C4BPA: variants seen among roughly 807,000 people sequenced by gnomAD.
C4BPA encodes the protein C4b-binding protein alpha chain.
A neutral mutation model predicts 63.7 loss-of-function variants in C4BPA; 31 were observed. The ratio of observed to expected loss-of-function variants is 0.49; its 90% CI spans 0.37 to 0.66. The LOEUF (loss-of-function observed/expected upper bound fraction) is 0.66. Among genes scored for constraint, C4BPA ranks in the 30% least tolerant of loss-of-function variants. The pLI is 0.00. For missense variants in C4BPA, 572 were observed against 723.3 expected, an observed-to-expected ratio of 0.79 and a Z score of 2.40; for synonymous variants, 259 against 254.7, an observed-to-expected ratio of 1.02 and a Z score of -0.16.
intron 8 of C4BPA, among the ~76,000 whole-genome samples, chr1:207,132,619 A>C (rs552367639): frequency 6.6e-6 from 1 of 152,260 alleles, no homozygotes; most frequent in African/African-American, 2.4e-5. Flanking sequence ...GGGGAAATAG[A>C]ATAAAAGATT....
In C4BPA at chr1:207,131,643, G is replaced by C; in HGVS notation, c.987G>C (p.Arg329Ser). ...TGTATGTTGTTGGGACTGTGTTAAG[G>C]TACCGCTGTCATCCTGGCTACAAAC... is the stretch of plus-strand genomic sequence containing the variant. Reference protein sequence around the residue: ...EDVYVVGTVLRYRCHPGYKPT... With the variant: ...EDVYVVGTVLSYRCHPGYKPT... Residue 329 changes from arginine to serine, a missense_variant, in exon 8 of 12, where the codon AGG becomes AGC. Around this residue, in one of 2 missense-constraint regions of C4BPA, gnomAD observed 465 missense variants for 629.4 expected, o/e 0.74. Coordinates refer to ENST00000367070, the MANE Select transcript of C4BPA (RefSeq NM_000715.4). 6.2e-7 allele frequency: 1 copy of C among 1,613,740 alleles called. No homozygotes were observed. The highest frequency in any genetic ancestry group is 8.5e-7 in the Non-Finnish European group (1 of 1,179,786).
intron 9 of C4BPA, 93 bp from the exon 10 acceptor site, chr1:207,141,013 T>A: frequency 1.0e-6 from 1 of 961,954 alleles, no homozygotes; most frequent in Non-Finnish European, 1.5e-6. Flanking sequence ...AAGGACAGAA[T>A]GAAGCCTCCT....
intron 8 of C4BPA, among the ~76,000 whole-genome samples, chr1:207,134,046 C>T (rs1685225198): frequency 6.6e-6 from 1 of 152,064 alleles, no homozygotes; most frequent in African/African-American, 2.4e-5. Flanking sequence ...CAAGATCGCA[C>T]TCTGTTGCCC....
At position 207,144,642 on chromosome 1, in the gene C4BPA, G is replaced by C; in HGVS notation, c.1719G>C (p.Lys573Asn). ...TGAAAATGGCCCTGGAGGTATATAA[G>C]CTGTCTCTGGAAATTGAACAACTGG... ...EDVKMALEVY[K>N]LSLEIEQLEL... The change falls in exon 12 of 12, where the codon AAG (lysine) becomes AAC (asparagine). Residue 573 changes from lysine (K) to asparagine (N), a missense_variant. Physicochemically the swap from Lys to Asn is moderately conservative, Grantham distance 94. This residue lies in a region of C4BPA where 465 missense variants were observed against 629.4 expected (regional missense o/e 0.74). Transcript: ENST00000367070. 6.2e-7 allele frequency: 1 copy of C among 1,613,594 alleles called. No individual in the cohort carries two copies. The highest frequency in any genetic ancestry group is 8.5e-7 in the Non-Finnish European group (1 of 1,179,754).
chr1:207,137,434 G>T (rs1468018308), intron 9 of C4BPA, among the ~76,000 whole-genome samples: 1 of 152,180 alleles, frequency 6.6e-6, no homozygotes, highest in African/African-American at 2.4e-5. Flanking sequence ...ATTTATACTG[G>T]TTTGATCTGG....
At chr1:207,129,460 A>G (rs1189706338) in intron 7 of C4BPA, among the ~76,000 whole-genome samples, 1 of 151,336 alleles carries the variant, frequency 6.6e-6, no homozygotes, top group Non-Finnish European at 1.5e-5. Context: ...ACATTAATCT[A>G]CATATCCAAG....
At chr1:207,139,647 G>T (rs2102363841) in intron 9 of C4BPA, among the ~76,000 whole-genome samples, 1 of 152,286 alleles carries the variant, frequency 6.6e-6, no homozygotes, top group African/African-American at 2.4e-5. Flanking sequence ...TAATAGGAGA[G>T]CTATAATGGT....
At chr1:207,116,516 A>ATGTGTGTGTGTG (rs57449727) in intron 4 of C4BPA, among the ~76,000 whole-genome samples, 2 of 79,922 alleles carry the variant, frequency 2.5e-5, no homozygotes, top group African/African-American at 3.5e-5. Flanking sequence ...GTGTGTGTAT[A>ATGTGTGTGTGTG]TGTGTGTGTG....
chr1:207,127,012 T>C (rs1470939598), intron 7 of C4BPA, 117 bp downstream of exon 7: 4 of 694,650 alleles, frequency 5.8e-6, no homozygotes, highest in Non-Finnish European at 9.6e-6. Flanking sequence ...AATTTACATC[T>C]AGATCAATAA....
chr1:207,135,612 A>G (rs1239758805), intron 9 of C4BPA, among the ~76,000 whole-genome samples: 1 of 152,186 alleles, frequency 6.6e-6, no homozygotes, highest in Non-Finnish European at 1.5e-5. Flanking sequence ...CTGGTAGCCA[A>G]TGGGGCCACT....
intron 9 of C4BPA, among the ~76,000 whole-genome samples, chr1:207,135,011 C>T (rs1558096080): frequency 6.6e-6 from 1 of 152,128 alleles, no homozygotes; most frequent in Non-Finnish European, 1.5e-5. Flanking sequence ...AGACCATCAC[C>T]CAGTGTAGAA....
chr1:207,144,434 T>G (rs866854627), intron 11 of C4BPA, 110 bp from the exon 12 acceptor site: 28 of 851,420 alleles, frequency 3.3e-5, no homozygotes, highest in Middle Eastern at 3.9e-4. Context: ...CAACCACCAG[T>G]CTGAGGTTGG....
Position 207,143,809 on chromosome 1 carries a change from C to G in C4BPA, c.1445-9C>G. 6.3e-7 allele frequency: 1 copy of G among 1,599,532 alleles called. No homozygotes were observed. The highest frequency in any genetic ancestry group is 8.6e-7 in the Non-Finnish European group (1 of 1,167,732). On this transcript the variant is annotated splice_polypyrimidine_tract_variant and intron_variant, in intron 10 of 11. Coordinates refer to ENST00000367070, the MANE Select transcript of C4BPA (RefSeq NM_000715.4). Reference sequence around the variant, plus strand: ...TTACAGATTTCTTAAAAATATGTTTCCATTACAGCTCTGTGTCGGAAACCA... The same window carrying G: ...TTACAGATTTCTTAAAAATATGTTTGCATTACAGCTCTGTGTCGGAAACCA...
At position 207,124,330 on chromosome 1, in the gene C4BPA, A is replaced by G; in HGVS notation, c.670A>G (p.Ile224Val). 1.2e-6 allele frequency: 2 copies of G among 1,613,834 alleles called. No individual in the cohort carries two copies. Reference sequence around the variant, plus strand: ...TTCTTGCACTGTGGAGAATGAAACAATAGGTGTTTGGAGACCAAGCCCTCC... The same window carrying G: ...TTCTTGCACTGTGGAGAATGAAACAGTAGGTGTTTGGAGACCAAGCCCTCC... Reference protein sequence around the residue: ...SISCTVENETIGVWRPSPPTC... With the variant: ...SISCTVENETVGVWRPSPPTC... Residue 224 changes from isoleucine to valine, a missense_variant, in exon 6 of 12, where the codon ATA (isoleucine) becomes GTA (valine). By Grantham distance (29) the Ile-to-Val change is conservative. Coordinates refer to ENST00000367070, the MANE Select transcript of C4BPA (RefSeq NM_000715.4).
intron 9 of C4BPA, among the ~76,000 whole-genome samples, chr1:207,139,641 A>G (rs2102363833): frequency 6.6e-6 from 1 of 152,332 alleles, no homozygotes. Flanking sequence ...CTGGTCTAAT[A>G]GGAGAGCTAT....
At chr1:207,121,119 C>T (rs921381476) in intron 4 of C4BPA, among the ~76,000 whole-genome samples, 2 of 152,132 alleles carry the variant, frequency 1.3e-5, no homozygotes, top group Admixed American at 1.3e-4. Flanking sequence ...GATCTACTTT[C>T]TTGATAAGTT....
intron 7 of C4BPA, chr1:207,127,442 C>T (rs1051866072): frequency 1.3e-5 from 2 of 152,158 alleles, no homozygotes; most frequent in Admixed American, 1.3e-4. Flanking sequence ...CTCAACAAAT[C>T]CTCCCAACAA....
At chr1:207,137,049 TG>T (rs1204837338) in intron 9 of C4BPA, among the ~76,000 whole-genome samples, 1 of 152,268 alleles carries the variant, frequency 6.6e-6, no homozygotes, top group Non-Finnish European at 1.5e-5. Context: ...TATTGTTCTT[TG>T]TTTACAAAGT....
At chr1:207,135,926 A>G (rs1471906915) in intron 9 of C4BPA, among the ~76,000 whole-genome samples, 1 of 152,182 alleles carries the variant, frequency 6.6e-6, no homozygotes, top group Non-Finnish European at 1.5e-5. Context: ...AGTGGATCCT[A>G]TGCCAATGCC....
Sources: gnomAD v4.1 joint callset for allele counts (sites outside exome capture counted in the v4.1 genomes callset) on GRCh38, gnomAD v4.1.1 for gene constraint, gnomAD v4.1.1 regional missense constraint, MANE v1.5 for transcripts, NCBI Gene and HGNC (gene_info 2026-07-23, HGNC 2026-07-21) for gene names.